TMEM217B: variants seen among roughly 807,000 people sequenced by gnomAD.
The protein encoded by TMEM217B is transmembrane protein 217B.
the TMEM217B span, among the ~76,000 whole-genome samples, chr6:37,232,813 T>G: frequency 1.2e-4 from 18 of 152,314 alleles, no homozygotes; most frequent in African/African-American, 4.1e-4. Context: ...TTCAAACACC[T>G]TCTCTTGACT....
the TMEM217B span, among the ~76,000 whole-genome samples, chr6:37,237,290 A>G: frequency 1.3e-5 from 2 of 152,206 alleles, no homozygotes; most frequent in African/African-American, 4.8e-5. Context: ...ACAAGAAAAT[A>G]TTCACAAGTG....
the TMEM217B span, among the ~76,000 whole-genome samples, chr6:37,253,197 T>C: frequency 5.3e-5 from 8 of 152,338 alleles, no homozygotes; most frequent in East Asian, 1.5e-3. Context: ...TGGTATAACA[T>C]GGTTCAAGTT....
At chr6:37,218,030 G>A in the TMEM217B span, 1 of 994,864 alleles carries the variant, frequency 1.0e-6, no homozygotes, top group Non-Finnish European at 1.2e-6. Flanking sequence ...GTGGCAGTAG[G>A]GTCTCTACTT....
chr6:37,249,212 C>T, the TMEM217B span, among the ~76,000 whole-genome samples: 1 of 152,102 alleles, frequency 6.6e-6, no homozygotes, highest in Non-Finnish European at 1.5e-5. Flanking sequence ...TTTTTGGGGG[C>T]CACAATTAAG....
At chr6:37,257,629 G>T in the TMEM217B span, 3 of 427,544 alleles carry the variant, frequency 7.0e-6, no homozygotes, top group Non-Finnish European at 1.3e-5. Context: ...TCCAAGCTCC[G>T]CCTTCCCCGT....
At chr6:37,228,595 T>G in the TMEM217B span, among the ~76,000 whole-genome samples, 3 of 152,014 alleles carry the variant, frequency 2.0e-5, no homozygotes, top group African/African-American at 7.3e-5. Flanking sequence ...TCCCAGATAC[T>G]CGGGAGGCTG....
chr6:37,254,723 C>G, the TMEM217B span, among the ~76,000 whole-genome samples: 4 of 152,186 alleles, frequency 2.6e-5, no homozygotes, highest in Admixed American at 6.5e-5. Flanking sequence ...GTTCCAAACA[C>G]TATTCTAGGT....
chr6:37,236,677 A>G, the TMEM217B span, among the ~76,000 whole-genome samples: 2 of 149,742 alleles, frequency 1.3e-5, no homozygotes, highest in Non-Finnish European at 3.0e-5. Context: ...TTTTTTTACT[A>G]ATTTTATTAA....
the TMEM217B span, among the ~76,000 whole-genome samples, chr6:37,248,344 TAC>T: frequency 1.3e-5 from 2 of 152,230 alleles, no homozygotes; most frequent in Non-Finnish European, 2.9e-5. Flanking sequence ...AATTTCTATC[TAC>T]AGTGTGTGGC....
chr6:37,212,205 C>T, the TMEM217B span: 1 of 321,228 alleles, frequency 3.1e-6, no homozygotes, highest in Non-Finnish European at 6.1e-6. Flanking sequence ...CACAAGGCCA[C>T]ATATCATTAA....
chr6:37,246,682 C>T, the TMEM217B span, among the ~76,000 whole-genome samples: 1 of 152,092 alleles, frequency 6.6e-6, no homozygotes, highest in Non-Finnish European at 1.5e-5. Context: ...GCGGGAGGAT[C>T]ACTTGAGCTC....
chr6:37,245,925 G>T, the TMEM217B span, among the ~76,000 whole-genome samples: 1 of 151,824 alleles, frequency 6.6e-6, no homozygotes, highest in Non-Finnish European at 1.5e-5. Flanking sequence ...TCAGCCTCCC[G>T]AGTAGCTGTA....
the TMEM217B span, among the ~76,000 whole-genome samples, chr6:37,216,409 T>C: frequency 6.6e-6 from 1 of 152,180 alleles, no homozygotes; most frequent in Non-Finnish European, 1.5e-5. Flanking sequence ...TCTTTCTTGC[T>C]GCTGTGAGGG....
the TMEM217B span, among the ~76,000 whole-genome samples, chr6:37,224,663 CCAGG>C: frequency 2.6e-5 from 4 of 151,806 alleles, no homozygotes; most frequent in Non-Finnish European, 5.9e-5. Context: ...GCCATGTTAC[CCAGG>C]CTGGTCTCAA....
At chr6:37,215,866 A>G in the TMEM217B span, among the ~76,000 whole-genome samples, 1 of 152,180 alleles carries the variant, frequency 6.6e-6, no homozygotes, top group Admixed American at 6.5e-5. Context: ...TTTTGGAAAC[A>G]GCAAGTTTGC....
chr6:37,256,766 C>A, the TMEM217B span, among the ~76,000 whole-genome samples: 1 of 151,858 alleles, frequency 6.6e-6, no homozygotes, highest in Non-Finnish European at 1.5e-5. Context: ...GTGGGGGACA[C>A]GCAGCCCACC....
the TMEM217B span, among the ~76,000 whole-genome samples, chr6:37,254,857 A>G: frequency 6.6e-6 from 1 of 152,110 alleles, no homozygotes; most frequent in African/African-American, 2.4e-5. Flanking sequence ...CTTTTCCATG[A>G]AAATTTTGGG....
chr6:37,215,073 T>C, the TMEM217B span: 1 of 1,285,058 alleles, frequency 7.8e-7, no homozygotes, highest in East Asian at 2.4e-5. Flanking sequence ...GTTCCACAGC[T>C]CTGCTGCCCC....
chr6:37,253,421 A>G, the TMEM217B span, among the ~76,000 whole-genome samples: 1 of 152,290 alleles, frequency 6.6e-6, no homozygotes, highest in Non-Finnish European at 1.5e-5. Flanking sequence ...CCCAAATTCT[A>G]AAAACTTTCT....
Sources: allele counts gnomAD v4.1 joint callset (sites outside exome capture counted in the v4.1 genomes callset), GRCh38; gene constraint gnomAD v4.1.1; transcripts MANE v1.5; gene names NCBI Gene and HGNC (gene_info 2026-07-23, HGNC 2026-07-21).